The following TPST1 variants were observed in gnomAD, a reference collection of about 807,000 sequenced individuals.
The protein encoded by TPST1 is tyrosylprotein sulfotransferase 1, also known as protein-tyrosine sulfotransferase 1.
Under a neutral mutation model 34.8 loss-of-function variants are expected in TPST1, and 20 were observed. The observed-to-expected ratio is 0.57, with a 90% CI of 0.40 to 0.84. The LOEUF is 0.84. TPST1 is among the 40% of genes least tolerant of loss of function. The pLI is 0.00. For synonymous variants in TPST1, 152 were observed against 159.4 expected, an observed-to-expected ratio of 0.95 and a Z score of 0.35; for missense variants, 353 against 455.5, an observed-to-expected ratio of 0.78 and a Z score of 2.05.
chr7:66,310,815 T>TTATG (rs1791515974), intron 3 of TPST1, among the ~76,000 whole-genome samples: 1 of 151,456 alleles, frequency 6.6e-6, no homozygotes, highest in Non-Finnish European at 1.5e-5. Flanking sequence ...ATTTATTTAT[T>TTATG]TATTTATTTA....
chr7:66,292,816 T>C (rs1343022710), intron 3 of TPST1, among the ~76,000 whole-genome samples: 3 of 151,364 alleles, frequency 2.0e-5, no homozygotes, highest in African/African-American at 7.3e-5. Flanking sequence ...ATCACCCGTC[T>C]TCTGCGTCGC....
chr7:66,215,370 A>G (rs1243882381), intron 1 of TPST1, among the ~76,000 whole-genome samples: 1 of 148,308 alleles, frequency 6.7e-6, no homozygotes, highest in Non-Finnish European at 1.5e-5. Context: ...AATATTATAT[A>G]TATGTATATA....
chr7:66,238,680 TA>T (rs1289820349), intron 1 of TPST1, among the ~76,000 whole-genome samples: 2 of 152,230 alleles, frequency 1.3e-5, no homozygotes, highest in African/African-American at 4.8e-5. Flanking sequence ...TCTGTTGATT[TA>T]AGTGTTAATC....
intron 5 of TPST1, among the ~76,000 whole-genome samples, chr7:66,358,817 C>T (rs1792633192): frequency 6.6e-6 from 1 of 152,202 alleles, no homozygotes; most frequent in Non-Finnish European, 1.5e-5. Flanking sequence ...CCTGCCCGCC[C>T]CACCAAACAC....
At position 66,278,439 on chromosome 7, in the gene TPST1, T is replaced by C. The variant is rs999922932; in HGVS notation, c.846-8072T>C. Among the ~76,000 whole-genome samples, 6 of 152,178 alleles carry C rather than the reference T, an allele frequency of 3.9e-5. No homozygotes were observed. The South Asian group carries it at 8.3e-4, about 21-fold the overall frequency. ...TTGAGATAGTTATTAGACTTCTGAG[T>C]GAAGATACTCTTCGTGATTCTGCGA... On this transcript the variant is annotated intron_variant, in intron 2 of 5. Transcript: ENST00000304842.
intron 1 of TPST1, among the ~76,000 whole-genome samples, chr7:66,239,367 G>A (rs527798955): frequency 6.6e-6 from 1 of 152,046 alleles, no homozygotes; most frequent in Non-Finnish European, 1.5e-5. Context: ...GTCCCTTTGC[G>A]TATTTCCACG....
upstream of TPST1, among the ~76,000 whole-genome samples, chr7:66,202,948 C>A (rs535145237): frequency 1.5e-4 from 23 of 152,078 alleles, no homozygotes; most frequent in Non-Finnish European, 5.9e-5. Context: ...TGGTGGCAGG[C>A]GCCTGTAATC....
rs142960967 is a variant in TPST1 at position 66,318,491 on chromosome 7, G to A, written c.1044+31782G>A. ...TCAGAATTTTTTTTTTTTTTTAGAC[G>A]AAGTCTCACTCTGTTGTCAGGCTGG... On this transcript the variant is annotated intron_variant, in intron 3 of 5. Coordinates refer to ENST00000304842, the MANE Select transcript of TPST1 (RefSeq NM_003596.4). 5.2e-3 allele frequency among the ~76,000 whole-genome samples: 761 copies of A among 146,322 alleles called. 12 individuals are homozygous for A. Among genetic ancestry groups the A allele is most frequent in the African/African-American group, 0.017 (691 of 39,596 alleles).
intron 1 of TPST1, among the ~76,000 whole-genome samples, chr7:66,217,218 T>G (rs1378988323): frequency 6.6e-6 from 1 of 152,204 alleles, no homozygotes; most frequent in Non-Finnish European, 1.5e-5. Context: ...TGATTTGTAG[T>G]ATTGTAGTCT....
At chr7:66,211,140 T>A (rs187206599) in intron 1 of TPST1, among the ~76,000 whole-genome samples, 1 of 152,212 alleles carries the variant, frequency 6.6e-6, no homozygotes, top group African/African-American at 2.4e-5. Flanking sequence ...ATTTTATTTT[T>A]ATTTTTTTTT....
rs1384382245 is a variant in TPST1 at position 66,296,259 on chromosome 7, CCCCCA to C, written c.1044+9553_1044+9557del. On this transcript the variant is annotated intron_variant, in intron 3 of 5. Coordinates refer to ENST00000304842, the MANE Select transcript of TPST1 (RefSeq NM_003596.4). ...AAACACCCACCCTTCCCCCCCCCCT[CCCCCA>C]CCGTCTCTGCCTATCTTTAAAGTGA... is the stretch of plus-strand genomic sequence containing the variant. Among the ~76,000 whole-genome samples, 295 of 31,424 alleles carry C rather than the reference CCCCCA, an allele frequency of 9.4e-3. 15 individuals are homozygous for C. The highest frequency in any genetic ancestry group is 0.079 in the East Asian group (126 of 1,586). The allele number at this position is 31,424 out of a possible 152,430, so 20.6% of individuals were successfully genotyped here.
intron 1 of TPST1, among the ~76,000 whole-genome samples, chr7:66,207,943 G>T (rs964763071): frequency 6.6e-6 from 1 of 151,802 alleles, no homozygotes; most frequent in African/African-American, 2.4e-5. Flanking sequence ...TGCTACCTCA[G>T]ATCTTTTTTT....
chr7:66,264,736 C>G lies in TPST1; in HGVS notation c.846-21775C>G, dbSNP rs1790557120. On this transcript the variant is annotated intron_variant, in intron 2 of 5. Coordinates refer to ENST00000304842, the MANE Select transcript of TPST1 (RefSeq NM_003596.4). ...TGCCACATTATAAGATTTAAAATGT[C>G]TAGTGTTTAACAAAAAAGTGTAAGA... Among the ~76,000 whole-genome samples the G allele has an allele frequency of 1.3e-5, 2 of 152,020 alleles. 1 individual carries two copies. The highest frequency in any genetic ancestry group is 4.1e-4 in the South Asian group (2 of 4,822).
At chr7:66,355,610 C>T (rs1008061532) in intron 4 of TPST1, among the ~76,000 whole-genome samples, 1 of 150,804 alleles carries the variant, frequency 6.6e-6, no homozygotes, top group Non-Finnish European at 1.5e-5. Flanking sequence ...AAAAAATTAG[C>T]TGGGCAGGGC....
intron 3 of TPST1, among the ~76,000 whole-genome samples, chr7:66,337,296 C>G (rs970682626): frequency 8.1e-6 from 1 of 123,794 alleles, no homozygotes; most frequent in East Asian, 2.6e-4. Flanking sequence ...GACTAAAAGA[C>G]AAATTTTTTT....
chr7:66,223,306 C>G (rs988913218), intron 1 of TPST1, among the ~76,000 whole-genome samples: 6 of 151,184 alleles, frequency 4.0e-5, no homozygotes, highest in Admixed American at 6.6e-5. Context: ...AAGAAAGAAA[C>G]AAAAAATTAG....
intron 2 of TPST1, among the ~76,000 whole-genome samples, chr7:66,259,044 A>G (rs997151406): frequency 1.3e-5 from 2 of 151,908 alleles, no homozygotes; most frequent in Admixed American, 1.3e-4. Flanking sequence ...CTGTTGAAAA[A>G]CCTGCTGTCA....
intron 3 of TPST1, among the ~76,000 whole-genome samples, chr7:66,326,842 AT>A (rs1225994965): frequency 1.3e-5 from 2 of 152,030 alleles, no homozygotes; most frequent in Non-Finnish European, 2.9e-5. Context: ...AGACTGACTA[AT>A]TTTTTTTCTT....
intron 3 of TPST1, among the ~76,000 whole-genome samples, chr7:66,348,331 A>G (rs1342756354): frequency 6.6e-6 from 1 of 152,086 alleles, no homozygotes; most frequent in Non-Finnish European, 1.5e-5. Context: ...CCATTTCACT[A>G]CCTGTCTATG....
Sources: allele counts gnomAD v4.1 joint callset (sites outside exome capture counted in the v4.1 genomes callset), GRCh38; gene constraint gnomAD v4.1.1; transcripts MANE v1.5; gene names NCBI Gene and HGNC (gene_info 2026-07-23, HGNC 2026-07-21).